FXYD7: variants seen among roughly 807,000 people sequenced by gnomAD.
FXYD7 encodes the protein FXYD domain-containing ion transport regulator 7.
FXYD7 carries 7 observed loss-of-function variants against 15.3 expected under a neutral mutation model. The observed-to-expected ratio is 0.46, with a 90% confidence interval of 0.26 to 0.86. FXYD7 has a LOEUF of 0.86. Ranked by LOEUF, FXYD7 falls within the 40% of genes least tolerant of loss-of-function variation. The pLI, the probability that FXYD7 is intolerant of heterozygous loss-of-function variation, is 0.16. For missense variants in FXYD7, 78 were observed against 100.6 expected, an observed-to-expected ratio of 0.78 and a Z score of 0.96; for synonymous variants, 39 against 39.3, an observed-to-expected ratio of 0.99 and a Z score of 0.03.
chr19:35,148,048 AAAG>A (rs1478164741), intron 1 of FXYD7, among the ~76,000 whole-genome samples: 3 of 127,604 alleles, frequency 2.4e-5, no homozygotes, highest in Non-Finnish European at 4.8e-5. Flanking sequence ...AGAAAGAAAG[AAAG>A]AAAGAAAGAA....
At chr19:35,148,882 G>C in intron 2 of FXYD7, 159 bp downstream of exon 2, 1 of 769,970 alleles carries the variant, frequency 1.3e-6, no homozygotes, top group East Asian at 2.5e-5. Context: ...TGAGTTCATG[G>C]AGGGCAGAAC....
chr19:35,152,769 G>A (rs2145400177), intron 5 of FXYD7, among the ~76,000 whole-genome samples: 1 of 151,802 alleles, frequency 6.6e-6, no homozygotes, highest in Middle Eastern at 3.4e-3. Context: ...TAAAGGGAGA[G>A]CGAGAGGGAT....
chr19:35,150,397 C>G (rs1259539869), intron 2 of FXYD7, among the ~76,000 whole-genome samples: 1 of 151,222 alleles, frequency 6.6e-6, no homozygotes, highest in African/African-American at 2.4e-5. Flanking sequence ...CACTACATCT[C>G]TTAAAAAAAA....
intron 2 of FXYD7, among the ~76,000 whole-genome samples, chr19:35,150,902 A>C (rs1158481896): frequency 6.6e-6 from 1 of 152,112 alleles, no homozygotes; most frequent in Non-Finnish European, 1.5e-5. Flanking sequence ...CAGGCAGGCC[A>C]GCAAGACCCT....
intron 5 of FXYD7, among the ~76,000 whole-genome samples, chr19:35,153,089 T>C (rs1345544629): frequency 1.4e-5 from 2 of 142,074 alleles, no homozygotes; most frequent in Non-Finnish European, 3.0e-5. Context: ...GTGTCCTCTG[T>C]TGCCCAGGCT....
rs1209900304 is a variant in FXYD7, at chr19:35,143,432, C to T, written c.31+68C>T. ...TCTGAGAGCCTAGGAGAGAGGGTGT[C>T]GGGAGATTCAAGCAATGGTAAGGCA... is the stretch of plus-strand genomic sequence containing the variant. On this transcript the variant is annotated intron_variant, in intron 1 of 5. Transcript: ENST00000270310. This position sits in a 1 kb window ranked among gnomAD's most constrained non-coding sequence, Gnocchi z 4.3. 1.3e-5 allele frequency: 16 copies of T among 1,227,604 alleles called. No homozygotes were observed. Among genetic ancestry groups the T allele is most frequent in the Non-Finnish European group, 1.8e-5 (16 of 907,764 alleles). 76.0% of individuals were successfully genotyped at this position (1,227,604 alleles called of 1,614,324 possible).
Position 35,151,702 on chromosome 19 carries a change from G to A in FXYD7, c.220+29G>A, listed in dbSNP as rs746946231. Reference sequence around the variant, plus strand: ...AGGGTGAGAAACTGTGTGGTTCTGGGAGAGTTTTAGGTGGGGCAGGGAAGG... The same window carrying A: ...AGGGTGAGAAACTGTGTGGTTCTGGAAGAGTTTTAGGTGGGGCAGGGAAGG... On this transcript the variant is annotated intron_variant, in intron 5 of 5. Transcript: ENST00000270310. 6.5e-6 allele frequency: 10 copies of A among 1,529,442 alleles called. 1 individual carries two copies. The highest frequency in any genetic ancestry group is 1.8e-4 in the Middle Eastern group (1 of 5,706). 94.7% of individuals were successfully genotyped at this position (1,529,442 alleles called of 1,614,324 possible).
chr19:35,151,272 CTG>C lies in FXYD7; in HGVS notation c.83_84del (p.Val28GlyfsTer31), dbSNP rs755453512. 1 of 1,605,916 alleles carries C rather than the reference CTG, an allele frequency of 6.2e-7. No individual in the cohort carries two copies. The highest frequency in any genetic ancestry group is 8.5e-7 in the Non-Finnish European group (1 of 1,172,554). On this transcript the variant is annotated frameshift_variant, in exon 3 of 6. Transcript: ENST00000270310. LOFTEE classifies it high-confidence loss of function. ...TCCCCAGACTACAACACGGTGCAGA[CTG>C]TGGGCATGACTCTGGCAACCATCTT...
chr19:35,152,379 A>AAGT (rs1207184715), intron 5 of FXYD7, among the ~76,000 whole-genome samples: 2 of 151,916 alleles, frequency 1.3e-5, no homozygotes, highest in African/African-American at 4.8e-5. Context: ...GTCAATCAGG[A>AAGT]GGGAGAGAGA....
chr19:35,147,584 A>G (rs924577650), intron 1 of FXYD7, among the ~76,000 whole-genome samples: 2 of 152,186 alleles, frequency 1.3e-5, no homozygotes, highest in Non-Finnish European at 2.9e-5. Context: ...GTGTCTTCTA[A>G]TGGATGGGGA....
rs1050297724 is a variant in FXYD7, at chr19:35,153,926, G to C, written c.*10G>C. 1 of 1,611,320 alleles carries C rather than the reference G, an allele frequency of 6.2e-7. No individual in the cohort carries two copies. The highest frequency in any genetic ancestry group is 8.5e-7 in the Non-Finnish European group (1 of 1,178,578). ...TGGCGGCGGCGTGTAACACCTTCCC[G>C]AGGAAACTCCGCTGCCGACCCTGCC... On this transcript the variant is annotated 3_prime_UTR_variant, in exon 6 of 6. Transcript: ENST00000270310.
Position 35,154,042 on chromosome 19 carries a change from C to A in FXYD7, c.*126C>A. 1 of 832,102 alleles carries A rather than the reference C, an allele frequency of 1.2e-6. No individual in the cohort carries two copies. The highest frequency in any genetic ancestry group is 1.9e-6 in the Non-Finnish European group (1 of 513,994). The allele number at this position is 832,102 out of a possible 1,614,324, so 51.5% of individuals were successfully genotyped here. On this transcript the variant is annotated 3_prime_UTR_variant, in exon 6 of 6. Coordinates refer to ENST00000270310, the MANE Select transcript of FXYD7 (RefSeq NM_022006.2). Reference sequence around the variant, plus strand: ...CCGGAATGAGCCGCCCCACCCACCCCAAGGCTGGAGCCGCTGCACCCTGCT... The same window carrying A: ...CCGGAATGAGCCGCCCCACCCACCCAAAGGCTGGAGCCGCTGCACCCTGCT...
intron 2 of FXYD7, 101 bp downstream of exon 2, chr19:35,148,824 T>C: frequency 9.6e-7 from 1 of 1,043,852 alleles, no homozygotes; most frequent in Non-Finnish European, 1.5e-6. Flanking sequence ...CGATACGTGC[T>C]GGGCCACTGG....
intron 5 of FXYD7, among the ~76,000 whole-genome samples, chr19:35,152,289 T>C (rs1298780626): frequency 6.6e-6 from 1 of 150,798 alleles, no homozygotes; most frequent in Non-Finnish European, 1.5e-5. Flanking sequence ...CTCAAGCCTA[T>C]AAAAGCCAGG....
At chr19:35,148,085 A>C (rs372225888) in intron 1 of FXYD7, among the ~76,000 whole-genome samples, 11 of 119,338 alleles carry the variant, frequency 9.2e-5, no homozygotes, top group Non-Finnish European at 2.0e-4. Context: ...GAAAGAAAGA[A>C]AGAAAGAAAG....
At chr19:35,148,834 G>A in intron 2 of FXYD7, 111 bp downstream of exon 2, 1 of 943,736 alleles carries the variant, frequency 1.1e-6, no homozygotes. Context: ...TGGGCCACTG[G>A]CCACGGGACC....
In FXYD7 at chr19:35,143,332, G is replaced by A; in HGVS notation, c.-2G>A. On this transcript the variant is annotated 5_prime_UTR_variant, in exon 1 of 6. Coordinates refer to ENST00000270310, the MANE Select transcript of FXYD7 (RefSeq NM_022006.2). This position sits in a 1 kb window ranked among gnomAD's most constrained non-coding sequence, Gnocchi z 4.3. ...TCCAGCAGCCCCCTGCTCCGGCCCA[G>A]CATGGCGACCCCGACCCAGACCCCC... The A allele has an allele frequency of 6.5e-7, 1 of 1,532,928 alleles. No individual in the cohort carries two copies. Among genetic ancestry groups the A allele is most frequent in the Non-Finnish European group, 8.8e-7 (1 of 1,140,222 alleles). The allele number at this position is 1,532,928 out of a possible 1,614,324, so 95.0% of individuals were successfully genotyped here. A position where few individuals can be genotyped will look rare whatever the true frequency, so the allele number is the denominator to read the frequency against.
intron 2 of FXYD7, 51 bp from the exon 3 acceptor site, chr19:35,151,203 G>A (rs537043450): frequency 1.2e-5 from 14 of 1,202,904 alleles, no homozygotes; most frequent in African/African-American, 3.0e-5. Flanking sequence ...TGGGCTCCAG[G>A]TGCAGCCAAG....
intron 2 of FXYD7, 140 bp from the exon 3 acceptor site, chr19:35,151,114 C>A: frequency 1.4e-6 from 1 of 724,434 alleles, no homozygotes; most frequent in East Asian, 2.5e-5. Context: ...CACATCAACC[C>A]CCTGAAGGAG....
Sources: gnomAD v4.1 joint callset for allele counts (sites outside exome capture counted in the v4.1 genomes callset) on GRCh38, gnomAD v4.1.1 for gene constraint, Gnocchi (gnomAD v3.1) non-coding constraint, MANE v1.5 for transcripts, NCBI Gene and HGNC (gene_info 2026-07-23, HGNC 2026-07-21) for gene names.